The following ZFHX3 variants were observed in gnomAD, a reference collection of about 807,000 sequenced individuals.
ZFHX3 encodes zinc finger homeobox 3.
Under a neutral mutation model 279.1 loss-of-function variants are expected in ZFHX3, and 42 were observed. The ratio of observed to expected loss-of-function variants is 0.15; its 90% CI spans 0.12 to 0.19. The LOEUF is 0.19. Among genes scored for constraint, ZFHX3 ranks in the 10% least tolerant of loss-of-function variants. The probability of loss-of-function intolerance (pLI) is 1.00; values close to 1 mark genes in which losing one functional copy is unlikely to be tolerated. For synonymous variants in ZFHX3, 2,293 were observed against 1,957.8 expected (o/e 1.17, Z -4.52); for missense variants, 4,981 against 4,754.0 (o/e 1.05, Z -1.40).
intron 2 of ZFHX3, among the ~76,000 whole-genome samples, chr16:73,619,406 T>A (rs1303553656): frequency 1.3e-5 from 2 of 151,284 alleles, no homozygotes; most frequent in Non-Finnish European, 2.9e-5. Context: ...GAGAATGGCA[T>A]GAACCCGGGA....
At chr16:73,865,944 C>A (rs1962006690) in intron 1 of ZFHX3, among the ~76,000 whole-genome samples, 1 of 152,072 alleles carries the variant, frequency 6.6e-6, no homozygotes, top group African/African-American at 2.4e-5. Context: ...AAGATCGCAC[C>A]ACTGCACTCC....
Position 73,416,828 on chromosome 16 carries a change from C to T in ZFHX3, c.-1291+39175G>A, listed in dbSNP as rs537969097. Among the ~76,000 whole-genome samples the T allele has an allele frequency of 6.0e-5, 9 of 150,574 alleles. 1 individual carries two copies. The highest frequency in any genetic ancestry group is 1.5e-4 in the African/African-American group (6 of 41,266). ...GGCGGAGCCTGCAGTGAGCCGAGAT[C>T]GCGCCACTGCACTCCAGCCTGGGCG... On this transcript the variant is annotated intron_variant, in intron 3 of 17. Coordinates refer to the ZFHX3 transcript ENST00000641206.
chr16:73,216,123 G>A (rs2012197430), intron 5 of ZFHX3, among the ~76,000 whole-genome samples: 1 of 152,290 alleles, frequency 6.6e-6, no homozygotes, highest in Admixed American at 6.5e-5. Flanking sequence ...AGATACACAA[G>A]GGAAAAATAA....
intron 2 of ZFHX3, among the ~76,000 whole-genome samples, chr16:73,541,790 T>C (rs999946987): frequency 1.3e-5 from 1 of 74,230 alleles, no homozygotes; most frequent in African/African-American, 7.6e-5. Flanking sequence ...GGTTCTCTTT[T>C]TTTTTTTTTT....
intron 2 of ZFHX3, among the ~76,000 whole-genome samples, chr16:73,580,597 C>T (rs1017140461): frequency 2.0e-5 from 3 of 151,034 alleles, no homozygotes; most frequent in African/African-American, 4.9e-5. Flanking sequence ...ACAGGATAAA[C>T]GCTTTTTTTT....
intron 1 of ZFHX3, among the ~76,000 whole-genome samples, chr16:73,797,327 A>C (rs2142321685): frequency 6.6e-6 from 1 of 152,344 alleles, no homozygotes; most frequent in East Asian, 1.9e-4. Context: ...TCTGAGTTTT[A>C]AAGAATCAGG....
chr16:73,606,664 T>C (rs1051153627), intron 2 of ZFHX3, among the ~76,000 whole-genome samples: 5 of 152,136 alleles, frequency 3.3e-5, no homozygotes, highest in Admixed American at 2.6e-4. Flanking sequence ...TAGCTGCACC[T>C]ATCAACCCAC....
intron 1 of ZFHX3, among the ~76,000 whole-genome samples, chr16:73,737,349 C>T (rs1461276518): frequency 6.6e-6 from 1 of 152,144 alleles, no homozygotes; most frequent in African/African-American, 2.4e-5. Flanking sequence ...TGACTCCATT[C>T]TTGATAACAA....
intron 5 of ZFHX3, among the ~76,000 whole-genome samples, chr16:73,214,584 T>C (rs1024440499): frequency 6.6e-6 from 1 of 152,154 alleles, no homozygotes; most frequent in African/African-American, 2.4e-5. Context: ...TTCATGACCC[T>C]TGATTCATGG....
At chr16:73,636,947 G>C (rs2052532216) in intron 2 of ZFHX3, among the ~76,000 whole-genome samples, 1 of 151,958 alleles carries the variant, frequency 6.6e-6, no homozygotes, top group Non-Finnish European at 1.5e-5. Context: ...ACACAGGTTT[G>C]CCAGAAATTT....
At chr16:73,485,497 G>A (rs958724974) in intron 2 of ZFHX3, among the ~76,000 whole-genome samples, 6 of 151,310 alleles carry the variant, frequency 4.0e-5, no homozygotes, top group Non-Finnish European at 5.9e-5. Flanking sequence ...ATTCTTTGAT[G>A]AAAATACTCT....
chr16:73,578,339 G>A (rs184556507), intron 2 of ZFHX3, among the ~76,000 whole-genome samples: 42 of 150,316 alleles, frequency 2.8e-4, no homozygotes, highest in Admixed American at 2.3e-3. Flanking sequence ...TTTAGAGATC[G>A]TATATGGTCT....
chr16:72,787,764 G>C lies in ZFHX3; in HGVS notation c.10512C>G (p.Val3504=). Residue 3504 remains valine (V), a synonymous_variant, in exon 10 of 10, where the codon GTC becomes GTG. Transcript: ENST00000268489. ...VVNLQEMVLH[V]PTGGGGGGSG... is the part of the protein sequence containing the mutation. The stretch of plus-strand genomic sequence containing the variant: ...TGCCACCGCCGCCGCCGCCGGTGGG[G>C]ACGTGAAGCACCATCTCTTGCAGGT... 4 of 1,443,428 alleles carry C rather than the reference G, an allele frequency of 2.8e-6. No individual in the cohort carries two copies. Among genetic ancestry groups the C allele is most frequent in the Non-Finnish European group, 2.7e-6 (3 of 1,094,518 alleles). 89.4% of individuals were successfully genotyped at this position (1,443,428 alleles called of 1,614,324 possible).
chr16:72,941,136 T>C (rs1191215632), intron 3 of ZFHX3, among the ~76,000 whole-genome samples: 1 of 152,156 alleles, frequency 6.6e-6, no homozygotes, highest in East Asian at 1.9e-4. Context: ...GTCCACTGTG[T>C]GACGCAAAGG....
At chr16:73,164,092 G>A (rs906874822) in intron 5 of ZFHX3, among the ~76,000 whole-genome samples, 4 of 152,132 alleles carry the variant, frequency 2.6e-5, no homozygotes, top group African/African-American at 9.7e-5. Flanking sequence ...GGAGCCCACA[G>A]GAGAACTTGG....
intron 2 of ZFHX3, among the ~76,000 whole-genome samples, chr16:73,647,158 G>A (rs552609390): frequency 1.1e-4 from 17 of 152,042 alleles, no homozygotes; most frequent in African/African-American, 3.6e-4. Flanking sequence ...GACTACAGGC[G>A]CCTGCCACCA....
chr16:73,839,853 A>G (rs11861308), intron 1 of ZFHX3, among the ~76,000 whole-genome samples: 2,784 of 152,280 alleles, frequency 0.018, 91 homozygotes, highest in African/African-American at 0.063. Flanking sequence ...CCTGGGGACT[A>G]TGGTCCACAC....
intron 4 of ZFHX3, among the ~76,000 whole-genome samples, chr16:73,290,237 G>A (rs1379866262): frequency 2.6e-5 from 4 of 152,094 alleles, no homozygotes; most frequent in African/African-American, 9.7e-5. Flanking sequence ...CTAACTGACA[G>A]CCCCTAACCA....
Position 72,817,899 on chromosome 16 carries a change from G to GC in ZFHX3, c.3530-5862dup, listed in dbSNP as rs999025993. 4.7e-4 allele frequency among the ~76,000 whole-genome samples: 71 copies of GC among 152,126 alleles called. 1 individual carries two copies. Among genetic ancestry groups the GC allele is most frequent in the Admixed American group, 4.6e-3 (70 of 15,276 alleles). On this transcript the variant is annotated intron_variant, in intron 5 of 9. Transcript: ENST00000268489. ...TCTTAGCTAAAAAGTACCACTGACAGCCCCTCCATCTAAATTTCCATCTCC... is the reference window on the plus strand; with the variant it reads ...TCTTAGCTAAAAAGTACCACTGACAGCCCCCTCCATCTAAATTTCCATCTCC...
Sources: allele counts gnomAD v4.1 joint callset (sites outside exome capture counted in the v4.1 genomes callset), GRCh38; gene constraint gnomAD v4.1.1; transcripts MANE v1.5; gene names NCBI Gene and HGNC (gene_info 2026-07-23, HGNC 2026-07-21).